Variants in THSD4 observed in about 807,000 individuals in gnomAD.
The protein encoded by THSD4 is thrombospondin type-1 domain-containing protein 4.
A neutral mutation model predicts 119.0 loss-of-function variants in THSD4; 69 were observed. The ratio of observed to expected loss-of-function variants is 0.58; its 90% CI spans 0.48 to 0.71. The LOEUF (loss-of-function observed/expected upper bound fraction) is 0.71. Among genes scored for constraint, THSD4 ranks in the 30% least tolerant of loss-of-function variants. The pLI is 0.00. For missense variants in THSD4, 1,393 were observed against 1,391.1 expected (o/e 1.00, Z -0.02); for synonymous variants, 524 against 540.4 (o/e 0.97, Z 0.42).
chr15:71,246,163 T>C (rs961055323), intron 5 of THSD4, among the ~76,000 whole-genome samples: 5 of 152,190 alleles, frequency 3.3e-5, no homozygotes, highest in African/African-American at 4.8e-5. Flanking sequence ...AGTGGGCTAA[T>C]GATCCCTACC....
chr15:71,401,353 A>C (rs1330423800), intron 6 of THSD4, among the ~76,000 whole-genome samples: 1 of 152,120 alleles, frequency 6.6e-6, no homozygotes, highest in Non-Finnish European at 1.5e-5. Flanking sequence ...TAAGAACCTG[A>C]ATTGTTAGTG....
intron 10 of THSD4, among the ~76,000 whole-genome samples, chr15:71,735,716 GTC>G (rs1018402319): frequency 6.4e-5 from 9 of 140,622 alleles, no homozygotes; most frequent in Non-Finnish European, 1.4e-4. Flanking sequence ...CTTGCTCTCT[GTC>G]TCTCTTGCTT....
At chr15:71,702,985 C>CTT (rs549195427) in intron 8 of THSD4, among the ~76,000 whole-genome samples, 1 of 144,820 alleles carries the variant, frequency 6.9e-6, no homozygotes. Context: ...GACCCCTGCT[C>CTT]TTTTTTTTTT....
chr15:71,098,680 A>T (rs2040241994), intron 1 of THSD4, among the ~76,000 whole-genome samples: 1 of 152,294 alleles, frequency 6.6e-6, no homozygotes, highest in Non-Finnish European at 1.5e-5. Context: ...TGAATGCAGA[A>T]TTATGTTGAC....
chr15:71,589,571 G>T (rs2049756383), intron 7 of THSD4, among the ~76,000 whole-genome samples: 1 of 138,124 alleles, frequency 7.2e-6, no homozygotes, highest in South Asian at 2.3e-4. Context: ...TCACCCTGTT[G>T]GGTCATGATC....
chr15:71,320,735 G>A (rs930928515), intron 6 of THSD4, among the ~76,000 whole-genome samples: 4 of 152,182 alleles, frequency 2.6e-5, no homozygotes, highest in African/African-American at 7.2e-5. Flanking sequence ...CCAAGAAACC[G>A]CATCAAATAA....
At chr15:71,699,643 G>A (rs1036109191) in intron 8 of THSD4, among the ~76,000 whole-genome samples, 1 of 152,138 alleles carries the variant, frequency 6.6e-6, no homozygotes, top group Non-Finnish European at 1.5e-5. Flanking sequence ...ATGCCTGGAA[G>A]TGCCAAGCAA....
intron 4 of THSD4, among the ~76,000 whole-genome samples, chr15:71,225,940 T>C (rs2044014731): frequency 6.6e-6 from 1 of 152,138 alleles, no homozygotes; most frequent in African/African-American, 2.4e-5. Context: ...GACTTCTGTC[T>C]CATGAGTTTT....
intron 8 of THSD4, among the ~76,000 whole-genome samples, chr15:71,663,009 G>A (rs1324412468): frequency 1.3e-5 from 2 of 152,136 alleles, no homozygotes; most frequent in African/African-American, 4.8e-5. Context: ...AGCGCTGTGG[G>A]AGGCCAAGGC....
intron 7 of THSD4, among the ~76,000 whole-genome samples, chr15:71,459,338 G>GTCTCTCTCTC (rs201750297): frequency 7.6e-6 from 1 of 131,472 alleles, no homozygotes; most frequent in Non-Finnish European, 1.6e-5. Flanking sequence ...CTCTCTCTCT[G>GTCTCTCTCTC]TCTCTCTGTC....
intron 7 of THSD4, among the ~76,000 whole-genome samples, chr15:71,453,362 T>A (rs1193028757): frequency 6.6e-6 from 1 of 152,226 alleles, no homozygotes; most frequent in Non-Finnish European, 1.5e-5. Flanking sequence ...TCAAAGTGTT[T>A]TGCTGTCAGA....
intron 7 of THSD4, among the ~76,000 whole-genome samples, chr15:71,588,889 T>C (rs2049742522): frequency 6.6e-6 from 1 of 152,040 alleles, no homozygotes; most frequent in South Asian, 2.1e-4. Flanking sequence ...GAACAAGCAA[T>C]GTGTGTTGTG....
intron 3 of THSD4, chr15:71,167,172 A>G (rs141059744): frequency 1.2e-4 from 18 of 152,328 alleles, no homozygotes; most frequent in African/African-American, 4.1e-4. Flanking sequence ...TACTAGTAGT[A>G]GTAACATCCA....
intron 7 of THSD4, among the ~76,000 whole-genome samples, chr15:71,443,969 G>GA (rs1236022777): frequency 6.6e-6 from 1 of 152,222 alleles, no homozygotes; most frequent in Non-Finnish European, 1.5e-5. Context: ...CTTCTCAGTG[G>GA]AAAATCTGTC....
chr15:71,404,871 T>G (rs780041914), intron 6 of THSD4, among the ~76,000 whole-genome samples: 7 of 143,780 alleles, frequency 4.9e-5, no homozygotes, highest in Admixed American at 1.5e-4. Context: ...TTTTCTTTCC[T>G]TTCTTTTCTT....
At chr15:71,331,239 T>A (rs1386924693) in intron 6 of THSD4, among the ~76,000 whole-genome samples, 2 of 152,168 alleles carry the variant, frequency 1.3e-5, no homozygotes, top group African/African-American at 4.8e-5. Flanking sequence ...TCCTCGTACT[T>A]CTTCTGGCAT....
intron 7 of THSD4, among the ~76,000 whole-genome samples, chr15:71,520,195 G>C (rs61199475): frequency 0.16 from 23,617 of 152,166 alleles, 1,942 homozygotes; most frequent in East Asian, 0.24. Context: ...AGAAGTCAGA[G>C]TGGAAAGTTG....
intron 4 of THSD4, among the ~76,000 whole-genome samples, chr15:71,218,007 G>A (rs141078905): frequency 1.5e-4 from 23 of 151,886 alleles, no homozygotes; most frequent in African/African-American, 4.6e-4. Context: ...GGCTGGCCTC[G>A]AACTCCTGCC....
intron 7 of THSD4, among the ~76,000 whole-genome samples, chr15:71,595,350 G>GGGACCC: frequency 6.6e-6 from 1 of 152,068 alleles, no homozygotes; most frequent in East Asian, 1.9e-4. Flanking sequence ...TTAATGATGG[G>GGGACCC]GGCTGGCCTT....
Sources: gnomAD v4.1 joint callset for allele counts (sites outside exome capture counted in the v4.1 genomes callset) on GRCh38, gnomAD v4.1.1 for gene constraint, MANE v1.5 for transcripts, NCBI Gene and HGNC (gene_info 2026-07-23, HGNC 2026-07-21) for gene names.